GPC6: variants seen among roughly 807,000 people sequenced by gnomAD.
GPC6 encodes glypican 6, also known as glypican-6.
A neutral mutation model predicts 55.2 loss-of-function variants in GPC6; 14 were observed. The observed-to-expected ratio is 0.25, with a 90% CI of 0.17 to 0.40. The LOEUF (loss-of-function observed/expected upper bound fraction) is 0.40. Ranked by LOEUF, GPC6 falls within the 10% of genes least tolerant of loss-of-function variation. The pLI, the probability that GPC6 is intolerant of heterozygous loss-of-function variation, is 1.00. For synonymous variants in GPC6, 278 were observed against 259.6 expected (o/e 1.07, Z -0.68); for missense variants, 641 against 708.5 (o/e 0.90, Z 1.08).
intron 6 of GPC6, among the ~76,000 whole-genome samples, chr13:94,333,241 TC>T (rs1877515997): frequency 6.6e-6 from 1 of 152,218 alleles, no homozygotes; most frequent in African/African-American, 2.4e-5. Context: ...AAAGATAGTT[TC>T]TCAACTCATA....
intron 1 of GPC6, among the ~76,000 whole-genome samples, chr13:93,472,248 T>C (rs1230553265): frequency 2.0e-5 from 3 of 152,230 alleles, no homozygotes; most frequent in Non-Finnish European, 2.9e-5. Context: ...GCCAGAAACC[T>C]GTGGCTGCTG....
intron 1 of GPC6, among the ~76,000 whole-genome samples, chr13:93,239,968 G>A (rs1056997997): frequency 1.3e-5 from 2 of 151,882 alleles, no homozygotes; most frequent in Non-Finnish European, 2.9e-5. Context: ...TTGATTTTTA[G>A]GTTTATTCTG....
chr13:93,533,416 A>T (rs1881940317), intron 1 of GPC6, among the ~76,000 whole-genome samples: 1 of 152,136 alleles, frequency 6.6e-6, no homozygotes, highest in African/African-American at 2.4e-5. Flanking sequence ...CAGATGAACA[A>T]ACTGTATGTT....
At chr13:94,332,246 G>A (rs1417287276) in intron 6 of GPC6, among the ~76,000 whole-genome samples, 1 of 152,236 alleles carries the variant, frequency 6.6e-6, no homozygotes, top group Non-Finnish European at 1.5e-5. Flanking sequence ...CCAAGAAGTT[G>A]GTCACTGGGG....
intron 3 of GPC6, among the ~76,000 whole-genome samples, chr13:94,019,242 A>G (rs9524312): frequency 0.16 from 24,298 of 152,088 alleles, 2,167 homozygotes; most frequent in East Asian, 0.39. Context: ...GTCTTTACTT[A>G]TTATAGGTCT....
chr13:93,651,590 A>G (rs1481651381), intron 2 of GPC6, among the ~76,000 whole-genome samples: 1 of 152,088 alleles, frequency 6.6e-6, no homozygotes, highest in Non-Finnish European at 1.5e-5. Flanking sequence ...TTCAGAACCT[A>G]ATTCAGAATT....
At chr13:93,652,859 C>CT (rs1465691308) in intron 2 of GPC6, among the ~76,000 whole-genome samples, 1 of 152,150 alleles carries the variant, frequency 6.6e-6, no homozygotes, top group Non-Finnish European at 1.5e-5. Context: ...GTTCATTTGA[C>CT]TTTCGGTATA....
In GPC6 at chr13:94,101,479, G is replaced by A. The variant is rs114532514; in HGVS notation, c.877+73585G>A. Among the ~76,000 whole-genome samples the A allele has an allele frequency of 2.5e-3, 382 of 152,252 alleles. 1 individual carries two copies. Among genetic ancestry groups the A allele is most frequent in the African/African-American group, 8.9e-3 (369 of 41,564 alleles). Reference sequence around the variant, plus strand: ...TTGTATGTGATTTCATCTCAGTAGAGTGCAGTTTAGCACCTTATTTTGTCA... The same window carrying A: ...TTGTATGTGATTTCATCTCAGTAGAATGCAGTTTAGCACCTTATTTTGTCA... On this transcript the variant is annotated intron_variant, in intron 4 of 8. Coordinates refer to ENST00000377047, the MANE Select transcript of GPC6 (RefSeq NM_005708.5).
intron 6 of GPC6, among the ~76,000 whole-genome samples, chr13:94,331,089 A>T (rs1877391462): frequency 6.6e-6 from 1 of 152,192 alleles, no homozygotes; most frequent in African/African-American, 2.4e-5. Context: ...AAGAAACTGT[A>T]TGCAGTGATT....
intron 4 of GPC6, among the ~76,000 whole-genome samples, chr13:94,045,660 G>A (rs993541490): frequency 7.3e-5 from 11 of 150,480 alleles, no homozygotes; most frequent in African/African-American, 2.4e-4. Flanking sequence ...ACAGACTTTG[G>A]TTTTAGGCAA....
At chr13:94,278,539 G>T (rs4349011) in intron 4 of GPC6, among the ~76,000 whole-genome samples, 96,266 of 152,046 alleles carry the variant, frequency 0.63, 31,804 homozygotes, top group African/African-American at 0.83. Flanking sequence ...TGCTTCCAAC[G>T]TTTGCCCATT....
rs1475129360 is a variant in GPC6, at chr13:93,341,630, T to C, written c.160+114014T>C. Among the ~76,000 whole-genome samples the C allele has an allele frequency of 2.0e-5, 3 of 152,298 alleles. No homozygotes were observed. The East Asian group carries it at 5.8e-4, about 29-fold the overall frequency. On this transcript the variant is annotated intron_variant, in intron 1 of 8. Coordinates refer to ENST00000377047, the MANE Select transcript of GPC6 (RefSeq NM_005708.5). ...CTTGCTGATTTGCTTGAGTTCCTTG[T>C]AGATTCTGGATACTAGTCCTTTGTC...
At chr13:93,510,536 A>T (rs1240559167) in intron 1 of GPC6, among the ~76,000 whole-genome samples, 1 of 152,072 alleles carries the variant, frequency 6.6e-6, no homozygotes, top group Non-Finnish European at 1.5e-5. Context: ...CATTGTGTAT[A>T]TATACCACAT....
At chr13:94,226,148 C>A (rs1890551000) in intron 4 of GPC6, among the ~76,000 whole-genome samples, 1 of 152,130 alleles carries the variant, frequency 6.6e-6, no homozygotes, top group South Asian at 2.1e-4. Flanking sequence ...ACAGAGCACA[C>A]AGTAAAGCAA....
chr13:94,205,065 A>G (rs1479565294), intron 4 of GPC6, among the ~76,000 whole-genome samples: 2 of 152,236 alleles, frequency 1.3e-5, no homozygotes, highest in Non-Finnish European at 2.9e-5. Flanking sequence ...TAATAGGAAG[A>G]CATATGTAAT....
At chr13:93,518,718 T>G (rs1206914271) in intron 1 of GPC6, among the ~76,000 whole-genome samples, 6 of 151,970 alleles carry the variant, frequency 3.9e-5, no homozygotes, top group Admixed American at 3.9e-4. Context: ...AAATGGTAAA[T>G]GCAATAGGGC....
chr13:94,055,927 G>A (rs566316314), intron 4 of GPC6, among the ~76,000 whole-genome samples: 4 of 152,158 alleles, frequency 2.6e-5, no homozygotes, highest in Admixed American at 6.5e-5. Flanking sequence ...AATTACAAGT[G>A]GGGAGGCTGA....
intron 1 of GPC6, among the ~76,000 whole-genome samples, chr13:93,476,013 AT>A (rs1944927568): frequency 6.6e-6 from 1 of 151,880 alleles, no homozygotes; most frequent in African/African-American, 2.4e-5. Flanking sequence ...TTAAATATAT[AT>A]GAGTACTGTT....
intron 2 of GPC6, among the ~76,000 whole-genome samples, chr13:93,777,034 C>T (rs1885493688): frequency 6.6e-6 from 1 of 152,184 alleles, no homozygotes; most frequent in East Asian, 1.9e-4. Flanking sequence ...CTTAAATCCA[C>T]ATCTGGTTGA....
Sources: allele counts gnomAD v4.1 joint callset (sites outside exome capture counted in the v4.1 genomes callset), GRCh38; gene constraint gnomAD v4.1.1; transcripts MANE v1.5; gene names NCBI Gene and HGNC (gene_info 2026-07-23, HGNC 2026-07-21).